The following SHISA6 variants were observed in gnomAD, a reference collection of about 807,000 sequenced individuals.
SHISA6 encodes the protein shisa family member 6, also known as protein shisa-6.
SHISA6 carries 22 observed loss-of-function variants against 47.9 expected under a neutral mutation model. The ratio of observed to expected loss-of-function variants is 0.46; its 90% CI spans 0.33 to 0.66. SHISA6 has a LOEUF of 0.66. Ranked by LOEUF, SHISA6 falls within the 30% of genes least tolerant of loss-of-function variation. The pLI is 0.02. For synonymous variants in SHISA6, 388 were observed against 337.8 expected (o/e 1.15, Z -1.63); for missense variants, 680 against 764.6 (o/e 0.89, Z 1.30).
intron 2 of SHISA6, among the ~76,000 whole-genome samples, chr17:11,266,015 C>T (rs1252271876): frequency 5.9e-5 from 9 of 152,322 alleles, no homozygotes; most frequent in Admixed American, 1.3e-4. Flanking sequence ...AAAGCATTCT[C>T]AGTTGTGATG....
chr17:11,293,011 G>T (rs1467705931), intron 2 of SHISA6, among the ~76,000 whole-genome samples: 1 of 151,944 alleles, frequency 6.6e-6, no homozygotes, highest in African/African-American at 2.4e-5. Context: ...TTTTAGTAGA[G>T]ACGGGGTTTC....
intron 3 of SHISA6, among the ~76,000 whole-genome samples, chr17:11,493,641 C>G (rs2071384896): frequency 6.6e-6 from 1 of 152,172 alleles, no homozygotes; most frequent in South Asian, 2.1e-4. Flanking sequence ...TCCTCTGGAC[C>G]CTTCAGCAGA....
chr17:11,387,937 T>C (rs1406261961), intron 3 of SHISA6, among the ~76,000 whole-genome samples: 2 of 152,162 alleles, frequency 1.3e-5, no homozygotes, highest in Non-Finnish European at 2.9e-5. Flanking sequence ...CACCAGCCCA[T>C]TTGTCTGGGT....
intron 2 of SHISA6, among the ~76,000 whole-genome samples, chr17:11,264,656 G>A (rs952717738): frequency 2.6e-5 from 4 of 152,196 alleles, no homozygotes; most frequent in Non-Finnish European, 5.9e-5. Flanking sequence ...TGGGCAATGT[G>A]ATCTGAACTA....
chr17:11,299,166 G>T (rs1340766340), intron 2 of SHISA6, among the ~76,000 whole-genome samples: 1 of 152,118 alleles, frequency 6.6e-6, no homozygotes, highest in African/African-American at 2.4e-5. Context: ...GTGTCATTGT[G>T]ACCTCTAGTA....
intron 2 of SHISA6, 90 bp from the exon 3 acceptor site, chr17:11,379,324 C>A: frequency 3.5e-6 from 3 of 858,596 alleles, no homozygotes; most frequent in Non-Finnish European, 5.2e-6. Context: ...AAAACATGCA[C>A]GCCATCACTG....
intron 1 of SHISA6, among the ~76,000 whole-genome samples, chr17:11,248,444 G>A (rs886408066): frequency 4.6e-5 from 7 of 152,152 alleles, no homozygotes; most frequent in African/African-American, 1.7e-4. Context: ...TTAAGCCAGG[G>A]CGCCTGTGTT....
intron 3 of SHISA6, among the ~76,000 whole-genome samples, chr17:11,427,966 C>T (rs148743450): frequency 3.7e-4 from 57 of 152,168 alleles, no homozygotes; most frequent in African/African-American, 8.4e-4. Context: ...AGAATAGCAA[C>T]GAGAGAGTAT....
intron 2 of SHISA6, among the ~76,000 whole-genome samples, chr17:11,265,951 C>G (rs1026887359): frequency 6.6e-6 from 1 of 152,202 alleles, no homozygotes; most frequent in Admixed American, 6.5e-5. Flanking sequence ...TCAAATTTCT[C>G]AAATTGGAAC....
chr17:11,378,555 GCCTTTCTTTTTTTA>G (rs1912895155), intron 2 of SHISA6, among the ~76,000 whole-genome samples: 1 of 152,158 alleles, frequency 6.6e-6, no homozygotes, highest in African/African-American at 2.4e-5. Context: ...ATTTAGGGAG[GCCTTTCTTTTTTTA>G]CAATGCCTGT....
intron 3 of SHISA6, among the ~76,000 whole-genome samples, chr17:11,399,634 C>A (rs914329300): frequency 6.6e-6 from 1 of 152,146 alleles, no homozygotes; most frequent in African/African-American, 2.4e-5. Flanking sequence ...GTTACCCATG[C>A]TGGTCTCGAG....
At chr17:11,354,235 G>A (rs950993146) in intron 2 of SHISA6, among the ~76,000 whole-genome samples, 2 of 152,174 alleles carry the variant, frequency 1.3e-5, no homozygotes, top group Admixed American at 6.5e-5. Flanking sequence ...TGGGGACCTT[G>A]TTCAAATGCG....
chr17:11,493,542 A>C (rs548466846), intron 3 of SHISA6, among the ~76,000 whole-genome samples: 5 of 152,074 alleles, frequency 3.3e-5, no homozygotes, highest in African/African-American at 7.2e-5. Flanking sequence ...TGCAACTCCT[A>C]CTTGTTTTTT....
chr17:11,553,652 A>C (rs189485124), intron 4 of SHISA6, among the ~76,000 whole-genome samples: 1 of 152,266 alleles, frequency 6.6e-6, no homozygotes, highest in Non-Finnish European at 1.5e-5. Flanking sequence ...CTACTTAATT[A>C]GTGTTCCACA....
At chr17:11,497,709 A>G (rs567193289) in intron 3 of SHISA6, among the ~76,000 whole-genome samples, 163 of 152,292 alleles carry the variant, frequency 1.1e-3, no homozygotes, top group African/African-American at 2.8e-3. Context: ...CTCACTCCTC[A>G]TAAGATCTTT....
At chr17:11,338,090 T>G (rs867464838) in intron 2 of SHISA6, among the ~76,000 whole-genome samples, 1 of 152,022 alleles carries the variant, frequency 6.6e-6, no homozygotes, top group Non-Finnish European at 1.5e-5. Flanking sequence ...GAAAAACACA[T>G]TGTCAGGGGA....
At chr17:11,469,601 G>T (rs1429667265) in intron 3 of SHISA6, among the ~76,000 whole-genome samples, 1 of 152,188 alleles carries the variant, frequency 6.6e-6, no homozygotes, top group East Asian at 1.9e-4. Flanking sequence ...TCCTGTGGGT[G>T]AGGTTCACGT....
intron 2 of SHISA6, among the ~76,000 whole-genome samples, chr17:11,327,261 C>T (rs1910929161): frequency 6.6e-6 from 1 of 152,176 alleles, no homozygotes; most frequent in Non-Finnish European, 1.5e-5. Context: ...TCTGGAAAAA[C>T]CTGACTTCTG....
At chr17:11,406,937 T>C (rs1913982869) in intron 3 of SHISA6, among the ~76,000 whole-genome samples, 1 of 152,130 alleles carries the variant, frequency 6.6e-6, no homozygotes, top group Admixed American at 6.6e-5. Context: ...ATCAAAGTCA[T>C]TAGGGTGGTT....
Sources: allele counts gnomAD v4.1 joint callset (sites outside exome capture counted in the v4.1 genomes callset), GRCh38; gene constraint gnomAD v4.1.1; transcripts MANE v1.5; gene names NCBI Gene and HGNC (gene_info 2026-07-23, HGNC 2026-07-21).